Variants in COPS8 observed in about 807,000 individuals in gnomAD.
COPS8 encodes the protein COP9 signalosome subunit 8, also known as COP9 signalosome complex subunit 8.
Under a neutral mutation model 31.5 loss-of-function variants are expected in COPS8, and 11 were observed. The ratio of observed to expected loss-of-function variants is 0.35; its 90% confidence interval spans 0.22 to 0.58. The LOEUF is 0.58. COPS8 is among the 20% of genes least tolerant of loss of function. COPS8 has a pLI of 0.83. For synonymous variants in COPS8, 81 were observed against 89.3 expected (o/e 0.91, Z 0.52); for missense variants, 215 against 255.1 (o/e 0.84, Z 1.07).
chr2:237,087,952 C>CA (rs199564314), intron 2 of COPS8, among the ~76,000 whole-genome samples: 26,985 of 99,234 alleles, frequency 0.27, 3,087 homozygotes, highest in African/African-American at 0.38. Flanking sequence ...AGCATAACTG[C>CA]AAAAAAAAAA....
chr2:237,090,008 G>T lies in COPS8; in HGVS notation c.331+14G>T. ...AAGCACTTAGAGGTAGTGTTTCTTTGTGGTTAAAAATGAAATTAGATGAGA... is the reference window on the plus strand; with the variant it reads ...AAGCACTTAGAGGTAGTGTTTCTTTTTGGTTAAAAATGAAATTAGATGAGA... On this transcript the variant is annotated intron_variant, in intron 4 of 7. Coordinates refer to ENST00000354371, the MANE Select transcript of COPS8 (RefSeq NM_006710.5). 6.2e-7 allele frequency: 1 copy of T among 1,612,790 alleles called. No individual in the cohort carries two copies. The highest frequency in any genetic ancestry group is 8.5e-7 in the Non-Finnish European group (1 of 1,179,438).
rs1294366227 is a variant in COPS8 at position 237,098,342 on chromosome 2, G to A, written c.*600G>A. 1 of 152,236 alleles carries A rather than the reference G, an allele frequency of 6.6e-6. No individual in the cohort carries two copies. Among genetic ancestry groups the A allele is most frequent in the African/African-American group, 2.4e-5 (1 of 41,440 alleles). 9.4% of individuals were successfully genotyped at this position (152,236 alleles called of 1,614,324 possible). A position where few individuals can be genotyped will look rare whatever the true frequency, so the allele number is the denominator to read the frequency against. ...CAATAGTGTGAGTATATCCATTGCT[G>A]GCAGTGGAGGGCTTGCCATGAAAAT... On this transcript the variant is annotated 3_prime_UTR_variant, in exon 8 of 8. Transcript: ENST00000354371.
At chr2:237,086,989 C>T (rs1574835141) in intron 1 of COPS8, 138 bp from the exon 2 acceptor site, 1 of 598,194 alleles carries the variant, frequency 1.7e-6, no homozygotes, top group Non-Finnish European at 2.8e-6. Context: ...TATAAGATTA[C>T]TTATAGTCTT....
chr2:237,086,429 C>T (rs1167988634), intron 1 of COPS8, among the ~76,000 whole-genome samples: 1 of 152,114 alleles, frequency 6.6e-6, no homozygotes, highest in Non-Finnish European at 1.5e-5. Context: ...AACTCACACG[C>T]ACACCAAGAA....
At chr2:237,097,224 C>CTTTTTTTTTTT (rs996251270) in intron 7 of COPS8, among the ~76,000 whole-genome samples, 16 of 95,974 alleles carry the variant, frequency 1.7e-4, no homozygotes, top group East Asian at 3.1e-4. Flanking sequence ...TGTGGGTTTT[C>CTTTTTTTTTTT]TTTTTTTTTT....
chr2:237,096,258 C>T (rs777505498), intron 6 of COPS8, among the ~76,000 whole-genome samples: 1 of 152,136 alleles, frequency 6.6e-6, no homozygotes, highest in Non-Finnish European at 1.5e-5. Context: ...TGTTTGCACT[C>T]AAGTCATACA....
chr2:237,089,099 G>C (rs780401995), intron 3 of COPS8, among the ~76,000 whole-genome samples: 12 of 152,126 alleles, frequency 7.9e-5, no homozygotes, highest in Non-Finnish European at 1.8e-4. Context: ...TATTTTGGTT[G>C]GGAGATTAGA....
Position 237,099,214 on chromosome 2 carries a change from A to G in COPS8, c.*1472A>G, listed in dbSNP as rs560885319. 6.6e-6 allele frequency: 1 copy of G among 152,342 alleles called. No individual in the cohort carries two copies. Among genetic ancestry groups the G allele is most frequent in the Non-Finnish European group, 1.5e-5 (1 of 68,018 alleles). The allele number at this position is 152,342 out of a possible 1,614,324, so 9.4% of individuals were successfully genotyped here. On this transcript the variant is annotated 3_prime_UTR_variant, in exon 8 of 8. Transcript: ENST00000354371. ...TCTCCAGAGTGAGAACATAGAAAGC[A>G]CATGTAGTTTATATGGTTATTTTGA...
intron 2 of COPS8, 152 bp downstream of exon 2, chr2:237,087,349 G>A: frequency 1.8e-6 from 1 of 564,376 alleles, no homozygotes; most frequent in South Asian, 2.6e-5. Flanking sequence ...TTGAATCATA[G>A]GTTAATGAAT....
At chr2:237,093,955 A>G (rs923254650) in intron 4 of COPS8, 135 bp from the exon 5 acceptor site, 15 of 1,429,972 alleles carry the variant, frequency 1.0e-5, no homozygotes, top group Middle Eastern at 5.3e-4. Context: ...ATTTGTATCT[A>G]TAAGCACAGA....
At chr2:237,094,977 T>G (rs1696772458) in intron 5 of COPS8, among the ~76,000 whole-genome samples, 1 of 152,016 alleles carries the variant, frequency 6.6e-6, no homozygotes, top group Non-Finnish European at 1.5e-5. Flanking sequence ...AAAATATATA[T>G]ATATATCGTA....
intron 4 of COPS8, chr2:237,093,887 T>A: frequency 8.3e-7 from 1 of 1,209,244 alleles, no homozygotes. Context: ...AGAGGAAGTG[T>A]AAGAAATGTA....
Position 237,099,534 on chromosome 2 carries a change from ATAGAT to A in COPS8, c.*1795_*1799del, listed in dbSNP as rs1320495608. ...TGATATCTTTTTTATTATTAAAAGT[ATAGAT>A]TAAATTAATAATCATGTAACATTAG... On this transcript the variant is annotated 3_prime_UTR_variant, in exon 8 of 8. Transcript: ENST00000354371. 2 of 152,144 alleles carry A rather than the reference ATAGAT, an allele frequency of 1.3e-5. No individual in the cohort carries two copies. The highest frequency in any genetic ancestry group is 2.9e-5 in the Non-Finnish European group (2 of 68,032). The allele number at this position is 152,144 out of a possible 1,614,324, so 9.4% of individuals were successfully genotyped here. A position where few individuals can be genotyped will look rare whatever the true frequency, so the allele number is the denominator to read the frequency against.
intron 3 of COPS8, among the ~76,000 whole-genome samples, chr2:237,089,291 CTTT>C (rs897817913): frequency 1.3e-5 from 2 of 149,898 alleles, no homozygotes; most frequent in Non-Finnish European, 3.0e-5. Context: ...TATTTTTACT[CTTT>C]TTTTTTCCCT....
At chr2:237,090,498 C>G (rs1324350249) in intron 4 of COPS8, among the ~76,000 whole-genome samples, 1 of 152,220 alleles carries the variant, frequency 6.6e-6, no homozygotes, top group African/African-American at 2.4e-5. Flanking sequence ...TTCCCTGCCT[C>G]TCTACAGTCT....
chr2:237,088,518 T>C (rs1696656707), intron 2 of COPS8, 87 bp from the exon 3 acceptor site: 1 of 896,552 alleles, frequency 1.1e-6, no homozygotes, highest in Admixed American at 2.3e-5. Context: ...CTTCTGTATG[T>C]TTGGCTTGGG....
At chr2:237,094,745 T>G (rs976641024) in intron 5 of COPS8, among the ~76,000 whole-genome samples, 3 of 151,974 alleles carry the variant, frequency 2.0e-5, no homozygotes, top group African/African-American at 7.2e-5. Context: ...GGGTGGATCA[T>G]GATGAGGTCA....
At chr2:237,094,907 A>G (rs1205497986) in intron 5 of COPS8, among the ~76,000 whole-genome samples, 1 of 152,200 alleles carries the variant, frequency 6.6e-6, no homozygotes, top group Non-Finnish European at 1.5e-5. Context: ...TGGAGGTTGC[A>G]GTGAGCTGAG....
In COPS8 at chr2:237,094,217, T is replaced by C; in HGVS notation, c.439+20T>C. The C allele has an allele frequency of 6.2e-7, 1 of 1,608,992 alleles. No homozygotes were observed. The highest frequency in any genetic ancestry group is 8.5e-7 in the Non-Finnish European group (1 of 1,176,196). ...TGAAAGGTAATTTTGGCTTACTTTT[T>C]ACTTATAAGGAAAATGGAAAATAGA... On this transcript the variant is annotated intron_variant, in intron 5 of 7. Transcript: ENST00000354371.
Sources: gnomAD v4.1 joint callset for allele counts (sites outside exome capture counted in the v4.1 genomes callset) on GRCh38, gnomAD v4.1.1 for gene constraint, MANE v1.5 for transcripts, NCBI Gene and HGNC (gene_info 2026-07-23, HGNC 2026-07-21) for gene names.